Variants in NUMB observed in about 807,000 individuals in gnomAD.
NUMB encodes NUMB endocytic adaptor protein.
In NUMB, 29 loss-of-function variants were observed where a neutral mutation model predicts 59.7. The observed-to-expected ratio is 0.49, with a 90% CI of 0.36 to 0.66. NUMB has a LOEUF of 0.66. Ranked by LOEUF, NUMB falls within the 30% of genes least tolerant of loss-of-function variation. The pLI is 0.00. For missense variants in NUMB, 723 were observed against 822.0 expected (o/e 0.88, Z 1.47); for synonymous variants, 288 against 288.2 (o/e 1.00, Z 0.01).
chr14:73,276,803 C>T lies in NUMB; in HGVS notation c.1731G>A (p.Lys577=). The change falls in exon 13 of 13, where the codon AAG becomes AAA. Residue 577 remains lysine, a synonymous_variant. Transcript: ENST00000555238. ...AACCGTTGAGGTGCTGAGCAGGAGG[C>T]TTAAAGAAGGGACTGGTGGTAGCAC... ...ASSATTSPFF[K]PPAQHLNGSA... The T allele has an allele frequency of 6.2e-7, 1 of 1,614,128 alleles. No homozygotes were observed. The highest frequency in any genetic ancestry group is 2.2e-5 in the East Asian group (1 of 44,880).
intron 7 of NUMB, among the ~76,000 whole-genome samples, chr14:73,293,536 C>T (rs958172520): frequency 1.1e-4 from 16 of 151,868 alleles, no homozygotes; most frequent in Admixed American, 3.3e-4. Flanking sequence ...GGACTACAGG[C>T]GTGTGCCACC....
intron 4 of NUMB, among the ~76,000 whole-genome samples, chr14:73,342,590 A>G (rs1463367893): frequency 6.6e-6 from 1 of 152,230 alleles, no homozygotes; most frequent in Non-Finnish European, 1.5e-5. Context: ...CCAACATTCA[A>G]GAGAAGATAT....
At position 73,286,407 on chromosome 14, in the gene NUMB, T is replaced by G. The variant is rs376656973; in HGVS notation, c.655+703A>C. ...CTTGTCTTGTTGGTTTTAACCCTACTTATATACAAGAATTCAAAAGTATTT... is the reference window on the plus strand; with the variant it reads ...CTTGTCTTGTTGGTTTTAACCCTACGTATATACAAGAATTCAAAAGTATTT... On this transcript the variant is annotated intron_variant, in intron 9 of 12. Transcript: ENST00000555238. The G allele has an allele frequency of 9.2e-5, 14 of 152,342 alleles. No homozygotes were observed. In the East Asian group the frequency reaches 1.9e-3, roughly 21 times the overall value. The allele number at this position is 152,342 out of a possible 1,614,324, so 9.4% of individuals were successfully genotyped here. A position where few individuals can be genotyped will look rare whatever the true frequency, so the allele number is the denominator to read the frequency against.
At chr14:73,399,301 C>T (rs940922993) in intron 2 of NUMB, among the ~76,000 whole-genome samples, 19 of 152,208 alleles carry the variant, frequency 1.2e-4, no homozygotes, top group Non-Finnish European at 2.1e-4. Context: ...CAGCGGCTCA[C>T]GCCTATAATC....
intron 6 of NUMB, chr14:73,298,632 T>A (rs1889926294): frequency 1.3e-5 from 2 of 152,144 alleles, no homozygotes; most frequent in South Asian, 4.1e-4. Context: ...CAGATTATCA[T>A]AAAAAGTATA....
intron 4 of NUMB, among the ~76,000 whole-genome samples, chr14:73,338,538 G>A (rs1332854594): frequency 1.3e-5 from 2 of 152,152 alleles, no homozygotes; most frequent in Non-Finnish European, 2.9e-5. Flanking sequence ...ACAGGAGCCA[G>A]AATGATCCTT....
chr14:73,304,160 C>T (rs1252529861), intron 6 of NUMB, among the ~76,000 whole-genome samples: 2 of 152,124 alleles, frequency 1.3e-5, no homozygotes, highest in African/African-American at 4.8e-5. Context: ...GAAAATGGCA[C>T]AGAAATAGTA....
intron 1 of NUMB, among the ~76,000 whole-genome samples, chr14:73,448,436 C>T (rs1883692195): frequency 6.6e-6 from 1 of 152,002 alleles, no homozygotes; most frequent in South Asian, 2.1e-4. Flanking sequence ...CAGCAATTCT[C>T]CCTCCTTGGC....
intron 2 of NUMB, among the ~76,000 whole-genome samples, chr14:73,393,671 A>G (rs573921093): frequency 5.4e-4 from 83 of 152,352 alleles, no homozygotes; most frequent in Non-Finnish European, 2.9e-4. Context: ...ACCCAGTGCC[A>G]ATGAAATATG....
intron 1 of NUMB, among the ~76,000 whole-genome samples, chr14:73,419,455 G>C (rs1361382689): frequency 3.3e-5 from 5 of 152,190 alleles, no homozygotes; most frequent in Non-Finnish European, 7.3e-5. Flanking sequence ...CTTGCAGTGA[G>C]CTGAGATTGC....
intron 2 of NUMB, among the ~76,000 whole-genome samples, chr14:73,379,322 G>T (rs1265307014): frequency 6.6e-6 from 1 of 152,104 alleles, no homozygotes; most frequent in African/African-American, 2.4e-5. Context: ...ATTATTACTT[G>T]AACCAGAAAA....
chr14:73,285,687 A>T (rs894272533), intron 9 of NUMB: 1 of 152,152 alleles, frequency 6.6e-6, no homozygotes, highest in Non-Finnish European at 1.5e-5. Context: ...GCACTTTGGG[A>T]GGCCAAGGCA....
At chr14:73,334,343 T>C (rs1892170467) in intron 4 of NUMB, among the ~76,000 whole-genome samples, 1 of 152,234 alleles carries the variant, frequency 6.6e-6, no homozygotes, top group African/African-American at 2.4e-5. Flanking sequence ...TTTCTTTTTT[T>C]GCACTATCTT....
chr14:73,410,367 A>T (rs56414012), intron 1 of NUMB, among the ~76,000 whole-genome samples: 5 of 152,156 alleles, frequency 3.3e-5, no homozygotes, highest in African/African-American at 1.2e-4. Context: ...ACTGTGATGA[A>T]GACTGAGGGA....
chr14:73,395,816 T>C (rs150595803), intron 2 of NUMB, among the ~76,000 whole-genome samples: 225 of 152,168 alleles, frequency 1.5e-3, no homozygotes, highest in African/African-American at 5.2e-3. Context: ...GTCTCAACTG[T>C]CCTCTTTGAA....
intron 1 of NUMB, among the ~76,000 whole-genome samples, chr14:73,420,982 A>G (rs7140324): frequency 0.26 from 39,140 of 152,008 alleles, 5,849 homozygotes; most frequent in East Asian, 0.68. Context: ...CAAAATGCGG[A>G]AAAAAAATCT....
At chr14:73,312,380 TCAA>T (rs930334755) in intron 6 of NUMB, among the ~76,000 whole-genome samples, 59 of 151,910 alleles carry the variant, frequency 3.9e-4, no homozygotes, top group African/African-American at 1.4e-3. Context: ...GGACTCTGTC[TCAA>T]CAACAACAAC....
chr14:73,345,337 A>G (rs1892853973), intron 4 of NUMB, among the ~76,000 whole-genome samples: 1 of 152,118 alleles, frequency 6.6e-6, no homozygotes, highest in South Asian at 2.1e-4. Flanking sequence ...CAGACTCCGG[A>G]GCCTACTTGA....
intron 1 of NUMB, among the ~76,000 whole-genome samples, chr14:73,423,880 C>T (rs1237896972): frequency 2.1e-5 from 3 of 145,528 alleles, no homozygotes; most frequent in Non-Finnish European, 3.0e-5. Flanking sequence ...GCAGGAGAAT[C>T]GCTTGAACCC....
Sources: allele counts gnomAD v4.1 joint callset (sites outside exome capture counted in the v4.1 genomes callset), GRCh38; gene constraint gnomAD v4.1.1; transcripts MANE v1.5; gene names NCBI Gene and HGNC (gene_info 2026-07-23, HGNC 2026-07-21).